The following AGPAT3 variants were observed in gnomAD, a reference collection of about 807,000 sequenced individuals.
The protein encoded by AGPAT3 is 1-acylglycerol-3-phosphate O-acyltransferase 3.
AGPAT3 carries 5 observed loss-of-function variants against 47.3 expected under a neutral mutation model. That is an observed-to-expected ratio of 0.11 (90% CI 0.06 to 0.22). The LOEUF (loss-of-function observed/expected upper bound fraction) is 0.22. Among genes scored for constraint, AGPAT3 ranks in the 10% least tolerant of loss-of-function variants. The pLI is 1.00. For synonymous variants in AGPAT3, 212 were observed against 208.3 expected (o/e 1.02, Z -0.15); for missense variants, 315 against 493.0 (o/e 0.64, Z 3.42).
chr21:43,979,298 C>CAAAAAAAAAAAAAAAA (rs540542305), intron 8 of AGPAT3, among the ~76,000 whole-genome samples: 2 of 57,554 alleles, frequency 3.5e-5, no homozygotes, highest in Non-Finnish European at 6.6e-5. Context: ...GACTCCAACT[C>CAAAAAAAAAAAAAAAA]AAAAAAAAAA....
chr21:43,973,037 T>A (rs1200517794), intron 7 of AGPAT3, among the ~76,000 whole-genome samples: 1 of 152,184 alleles, frequency 6.6e-6, no homozygotes, highest in Non-Finnish European at 1.5e-5. Flanking sequence ...ATGTACAAAT[T>A]AAACGAAGCA....
chr21:43,894,200 T>A (rs1177051097), intron 1 of AGPAT3, among the ~76,000 whole-genome samples: 2 of 150,158 alleles, frequency 1.3e-5, no homozygotes, highest in Non-Finnish European at 3.0e-5. Flanking sequence ...AGGGGCCAGG[T>A]ATTTCTTTCT....
At chr21:43,898,435 A>G (rs1348088860) in intron 1 of AGPAT3, among the ~76,000 whole-genome samples, 1 of 152,234 alleles carries the variant, frequency 6.6e-6, no homozygotes, top group Non-Finnish European at 1.5e-5. Context: ...ATCTACAATT[A>G]ACCTGTACGT....
At chr21:43,915,671 C>G (rs2086712509) in intron 2 of AGPAT3, among the ~76,000 whole-genome samples, 1 of 152,056 alleles carries the variant, frequency 6.6e-6, no homozygotes, top group Non-Finnish European at 1.5e-5. Context: ...GTTGGTCTCC[C>G]AGAGTGCTGG....
intron 7 of AGPAT3, among the ~76,000 whole-genome samples, chr21:43,974,114 A>G (rs114783262): frequency 0.022 from 3,389 of 151,174 alleles, 123 homozygotes; most frequent in Middle Eastern, 0.077. Context: ...TTATGTATGT[A>G]GTATATGTGA....
At chr21:43,979,609 CA>C (rs1343572824) in intron 8 of AGPAT3, among the ~76,000 whole-genome samples, 1 of 152,226 alleles carries the variant, frequency 6.6e-6, no homozygotes, top group Non-Finnish European at 1.5e-5. Context: ...TACCTCCCAG[CA>C]CAGAGAAATG....
At chr21:43,896,936 ACAGT>A (rs2086228912) in intron 1 of AGPAT3, among the ~76,000 whole-genome samples, 1 of 120,718 alleles carries the variant, frequency 8.3e-6, no homozygotes, top group Non-Finnish European at 1.7e-5. Context: ...TTGAAGTTTG[ACAGT>A]CCGTTTTTTT....
In AGPAT3 at chr21:43,970,864, T is replaced by G; in HGVS notation, c.664+58T>G. 7.1e-7 allele frequency: 1 copy of G among 1,405,098 alleles called. No homozygotes were observed. The highest frequency in any genetic ancestry group is 9.2e-7 in the Non-Finnish European group (1 of 1,081,626). The allele number at this position is 1,405,098 out of a possible 1,614,324, so 87.0% of individuals were successfully genotyped here. A position where few individuals can be genotyped will look rare whatever the true frequency, so the allele number is the denominator to read the frequency against. On this transcript the variant is annotated intron_variant, in intron 6 of 9. Transcript: ENST00000291572. The surrounding 1 kb of genome is among the most constrained non-coding windows in gnomAD (Gnocchi z 5.8). ...GCTATGCTCACGGAAAATAGTGATT[T>G]CTTTAAAAAAAAAAAAAATGAGTGC...
chr21:43,958,919 T>G (rs994120959), intron 2 of AGPAT3, among the ~76,000 whole-genome samples: 3 of 143,744 alleles, frequency 2.1e-5, no homozygotes, highest in Non-Finnish European at 4.6e-5. Flanking sequence ...GGTGTGTGTG[T>G]GGCATGTGTG....
intron 2 of AGPAT3, among the ~76,000 whole-genome samples, chr21:43,912,149 A>G (rs1358330718): frequency 6.6e-6 from 1 of 152,238 alleles, no homozygotes; most frequent in Admixed American, 6.5e-5. Context: ...GTGAATTGGA[A>G]TCAGGAGGTG....
At chr21:43,874,195 A>G (rs1306066340) in intron 1 of AGPAT3, among the ~76,000 whole-genome samples, 1 of 151,300 alleles carries the variant, frequency 6.6e-6, no homozygotes, top group Non-Finnish European at 1.5e-5. Flanking sequence ...CTGGCTAACT[A>G]TTGTATTTTT....
chr21:43,912,264 G>A (rs562458677), intron 2 of AGPAT3, among the ~76,000 whole-genome samples: 1 of 152,352 alleles, frequency 6.6e-6, no homozygotes, highest in East Asian at 1.9e-4. Context: ...GGGCAATCCT[G>A]GCACGCGAGC....
At chr21:43,959,040 G>A (rs1250718851) in intron 2 of AGPAT3, among the ~76,000 whole-genome samples, 1 of 102,036 alleles carries the variant, frequency 9.8e-6, no homozygotes, top group Non-Finnish European at 2.0e-5. Context: ...TGTGTGGCAT[G>A]TGTGTGGTTT....
chr21:43,967,187 A>G (rs750639766), intron 3 of AGPAT3: 1 of 152,272 alleles, frequency 6.6e-6, no homozygotes, highest in Non-Finnish European at 1.5e-5. Context: ...TTCTGGGAAG[A>G]GTGTCTTCAG....
At chr21:43,956,370 C>T (rs372586265) in intron 2 of AGPAT3, among the ~76,000 whole-genome samples, 14 of 152,284 alleles carry the variant, frequency 9.2e-5, no homozygotes, top group African/African-American at 2.6e-4. Context: ...TGTGTGGCCC[C>T]ATATGATGCA....
chr21:43,958,934 TTG>T (rs370090021), intron 2 of AGPAT3, among the ~76,000 whole-genome samples: 10 of 121,556 alleles, frequency 8.2e-5, no homozygotes, highest in South Asian at 2.8e-4. Flanking sequence ...TGTGTGTGGC[TTG>T]TGTGTGTGTG....
intron 1 of AGPAT3, among the ~76,000 whole-genome samples, chr21:43,896,201 G>T (rs73226928): frequency 6.6e-6 from 1 of 152,244 alleles, no homozygotes; most frequent in African/African-American, 2.4e-5. Flanking sequence ...ACCACGCCTG[G>T]CCGTGATAAC....
intron 1 of AGPAT3, among the ~76,000 whole-genome samples, chr21:43,898,443 C>T (rs1005817304): frequency 7.9e-5 from 12 of 152,310 alleles, no homozygotes; most frequent in Middle Eastern, 3.4e-3. Context: ...TTAACCTGTA[C>T]GTTTTACACT....
At chr21:43,928,376 G>A (rs972966039) in intron 2 of AGPAT3, among the ~76,000 whole-genome samples, 2 of 152,196 alleles carry the variant, frequency 1.3e-5, no homozygotes, top group Admixed American at 6.5e-5. Context: ...CATTCCGGGG[G>A]GCAGCCGAGT....
Sources: gnomAD v4.1 joint callset for allele counts (sites outside exome capture counted in the v4.1 genomes callset) on GRCh38, gnomAD v4.1.1 for gene constraint, Gnocchi (gnomAD v3.1) non-coding constraint, MANE v1.5 for transcripts, NCBI Gene and HGNC (gene_info 2026-07-23, HGNC 2026-07-21) for gene names.